The following DLGAP1 variants were observed in gnomAD, a reference collection of about 807,000 sequenced individuals.
DLGAP1 encodes the protein DLG associated protein 1.
In DLGAP1, 11 loss-of-function variants were observed where a neutral mutation model predicts 90.8. That is an observed-to-expected ratio of 0.12 (90% CI 0.08 to 0.20). The LOEUF is 0.20. Ranked by LOEUF, DLGAP1 falls within the 10% of genes least tolerant of loss-of-function variation. DLGAP1 has a pLI of 1.00. For missense variants in DLGAP1, 1,050 were observed against 1,333.8 expected (o/e 0.79, Z 3.31); for synonymous variants, 558 against 540.7 (o/e 1.03, Z -0.44).
chr18:4,092,511 T>C (rs1407803801), intron 2 of DLGAP1, among the ~76,000 whole-genome samples: 5 of 152,168 alleles, frequency 3.3e-5, no homozygotes, highest in Middle Eastern at 3.2e-3. Context: ...TCTAATGGTA[T>C]TGGTGTAGGA....
At chr18:4,225,885 A>G (rs2078176985) in intron 1 of DLGAP1, among the ~76,000 whole-genome samples, 1 of 152,116 alleles carries the variant, frequency 6.6e-6, no homozygotes, top group Non-Finnish European at 1.5e-5. Context: ...AGAAGGTTCA[A>G]AGGGATAATA....
chr18:3,987,040 G>C (rs1568335912), intron 3 of DLGAP1, among the ~76,000 whole-genome samples: 1 of 152,092 alleles, frequency 6.6e-6, no homozygotes, highest in South Asian at 2.1e-4. Flanking sequence ...TGCAAATAGC[G>C]CTCGTTTCCA....
At chr18:3,544,190 G>C (rs1403833794) in intron 9 of DLGAP1, among the ~76,000 whole-genome samples, 1 of 152,190 alleles carries the variant, frequency 6.6e-6, no homozygotes, top group African/African-American at 2.4e-5. Flanking sequence ...AGGAATTCAA[G>C]ACCAGCCTGG....
At chr18:3,674,307 A>G (rs553723168) in intron 7 of DLGAP1, among the ~76,000 whole-genome samples, 2,701 of 139,952 alleles carry the variant, frequency 0.019, 131 homozygotes, top group African/African-American at 0.074. Context: ...ATATATATAT[A>G]TATATGTATA....
At chr18:4,298,591 G>T (rs922364591) in intron 1 of DLGAP1, among the ~76,000 whole-genome samples, 1 of 151,974 alleles carries the variant, frequency 6.6e-6, no homozygotes. Flanking sequence ...CATGGACACA[G>T]GAAGGGGAAT....
chr18:3,864,779 C>A (rs1048509288), intron 4 of DLGAP1, among the ~76,000 whole-genome samples: 5 of 152,096 alleles, frequency 3.3e-5, no homozygotes, highest in Non-Finnish European at 7.4e-5. Flanking sequence ...GCACTGGATA[C>A]CTGCAGCCAC....
rs935433921 is a variant in DLGAP1, at chr18:3,528,030, C to A, written c.2479+6164G>T. 2.6e-5 allele frequency among the ~76,000 whole-genome samples: 4 copies of A among 152,208 alleles called. No individual in the cohort carries two copies. In the South Asian group the frequency reaches 6.2e-4, roughly 24 times the overall value. On this transcript the variant is annotated intron_variant, in intron 10 of 12. Transcript: ENST00000315677. ...AAATTGGGATAATTCTGGTACCCCA[C>A]AAAATAAATTGCGTGATTAGAATCT...
At chr18:3,702,213 G>A (rs535336820) in intron 7 of DLGAP1, among the ~76,000 whole-genome samples, 33 of 152,170 alleles carry the variant, frequency 2.2e-4, no homozygotes, top group Admixed American at 1.4e-3. Context: ...CACCACGCCC[G>A]GCATGAAGTT....
At chr18:4,283,761 C>A (rs1269128320) in intron 1 of DLGAP1, among the ~76,000 whole-genome samples, 1 of 152,104 alleles carries the variant, frequency 6.6e-6, no homozygotes, top group Non-Finnish European at 1.5e-5. Flanking sequence ...CATGTACTTG[C>A]ACAAAAGTTT....
At chr18:4,262,327 T>G (rs2079019447) in intron 1 of DLGAP1, among the ~76,000 whole-genome samples, 1 of 151,570 alleles carries the variant, frequency 6.6e-6, no homozygotes, top group South Asian at 2.1e-4. Flanking sequence ...CCTGTGTAGG[T>G]GTGTGTGTGT....
At chr18:4,428,451 G>A (rs553014034) in intron 1 of DLGAP1, among the ~76,000 whole-genome samples, 29 of 152,062 alleles carry the variant, frequency 1.9e-4, no homozygotes, top group Admixed American at 1.4e-3. Context: ...GCATGGTGGC[G>A]CACACCTGTA....
intron 1 of DLGAP1, among the ~76,000 whole-genome samples, chr18:4,358,652 C>A (rs973446420): frequency 1.6e-4 from 24 of 152,252 alleles, no homozygotes; most frequent in African/African-American, 5.5e-4. Context: ...CTCTTGTTCT[C>A]GTGCCTTTGA....
rs1479715590 is a variant in DLGAP1, at chr18:3,775,908, T to G, written c.1173-33396A>C. ...GATTCGTTTGGTCTGTTTTTGAACT[T>G]GAGATAAATGATGTCTAGATCTAGT... On this transcript the variant is annotated intron_variant, in intron 5 of 12. Coordinates refer to ENST00000315677, the MANE Select transcript of DLGAP1 (RefSeq NM_004746.4). This position sits in a 1 kb window ranked among gnomAD's most constrained non-coding sequence, Gnocchi z 4.9. Among the ~76,000 whole-genome samples, 9 of 152,122 alleles carry G rather than the reference T, an allele frequency of 5.9e-5. No homozygotes were observed. Among genetic ancestry groups the G allele is most frequent in the Admixed American group, 5.9e-4 (9 of 15,262 alleles).
intron 2 of DLGAP1, among the ~76,000 whole-genome samples, chr18:4,123,489 G>A (rs73943848): frequency 6.6e-6 from 1 of 152,164 alleles, no homozygotes; most frequent in Non-Finnish European, 1.5e-5. Flanking sequence ...CGGACTGTGG[G>A]ACAGAAACAA....
intron 4 of DLGAP1, chr18:3,874,642 C>A: frequency 6.5e-7 from 1 of 1,535,348 alleles, no homozygotes; most frequent in Non-Finnish European, 8.7e-7. Flanking sequence ...TGCTTTATTC[C>A]AAATGTATAA....
At chr18:4,105,135 C>T (rs144075936) in intron 2 of DLGAP1, among the ~76,000 whole-genome samples, 67 of 152,294 alleles carry the variant, frequency 4.4e-4, no homozygotes, top group Middle Eastern at 3.4e-3. Flanking sequence ...AGCACTCACA[C>T]GGTGCATAAT....
At chr18:3,731,706 G>A (rs1011213381) in intron 6 of DLGAP1, among the ~76,000 whole-genome samples, 2 of 151,858 alleles carry the variant, frequency 1.3e-5, no homozygotes, top group African/African-American at 4.8e-5. Context: ...ACGGCTCCTG[G>A]CTAAACTTAT....
intron 3 of DLGAP1, among the ~76,000 whole-genome samples, chr18:3,999,190 C>G (rs2074130235): frequency 6.6e-6 from 1 of 151,610 alleles, no homozygotes; most frequent in East Asian, 1.9e-4. Context: ...ACAAATTATA[C>G]AAAATTGATA....
intron 4 of DLGAP1, among the ~76,000 whole-genome samples, chr18:3,849,826 T>C (rs1376068367): frequency 1.3e-5 from 2 of 152,182 alleles, no homozygotes; most frequent in African/African-American, 4.8e-5. Context: ...ATTTAATAAA[T>C]ATTTTTGAAT....
Sources: gnomAD v4.1 joint callset for allele counts (sites outside exome capture counted in the v4.1 genomes callset) on GRCh38, gnomAD v4.1.1 for gene constraint, Gnocchi (gnomAD v3.1) non-coding constraint, MANE v1.5 for transcripts, NCBI Gene and HGNC (gene_info 2026-07-23, HGNC 2026-07-21) for gene names.